The following ADGRD1 variants were observed in gnomAD, a reference collection of about 807,000 sequenced individuals.
ADGRD1 encodes the protein adhesion G protein-coupled receptor D1.
Under a neutral mutation model 113.4 loss-of-function variants are expected in ADGRD1, and 77 were observed. The ratio of observed to expected loss-of-function variants is 0.68; its 90% confidence interval spans 0.57 to 0.82. The LOEUF (loss-of-function observed/expected upper bound fraction) is 0.82, where lower values mean the gene tolerates loss of function less well. Ranked by LOEUF, ADGRD1 falls within the 40% of genes least tolerant of loss-of-function variation. The pLI is 0.00. For synonymous variants in ADGRD1, 474 were observed against 475.0 expected, an observed-to-expected ratio of 1.00 and a Z score of 0.03; for missense variants, 1,036 against 1,139.1, an observed-to-expected ratio of 0.91 and a Z score of 1.30.
intron 2 of ADGRD1, chr12:130,962,359 T>A (rs1870462324): frequency 6.6e-6 from 1 of 152,228 alleles, no homozygotes; most frequent in Admixed American, 6.5e-5. Flanking sequence ...CTGCCAGGAC[T>A]GATTGTGGCC....
intron 13 of ADGRD1, among the ~76,000 whole-genome samples, chr12:131,061,402 C>T (rs944802525): frequency 7.9e-5 from 12 of 152,328 alleles, no homozygotes; most frequent in Middle Eastern, 3.4e-3. Context: ...CAAAATGAGA[C>T]GTAAATATTC....
chr12:131,108,699 CT>C, intron 17 of ADGRD1, 24 bp from the exon 18 acceptor site: 11 of 1,614,092 alleles, frequency 6.8e-6, no homozygotes, highest in Non-Finnish European at 9.3e-6. Context: ...AGCTGTCTCA[CT>C]TCCCATCTCT....
chr12:131,048,693 G>C (rs1383217215), intron 13 of ADGRD1, among the ~76,000 whole-genome samples: 4 of 152,228 alleles, frequency 2.6e-5, no homozygotes, highest in African/African-American at 9.6e-5. Context: ...AAATACTCTT[G>C]TGTTCTGAGA....
intron 13 of ADGRD1, among the ~76,000 whole-genome samples, chr12:131,053,685 A>G (rs1336745677): frequency 2.0e-5 from 3 of 152,236 alleles, no homozygotes; most frequent in African/African-American, 7.2e-5. Context: ...CCAAAGTGGG[A>G]GGGCGGTAGT....
chr12:131,132,878 C>T (rs1174385284), intron 21 of ADGRD1, among the ~76,000 whole-genome samples: 1 of 152,234 alleles, frequency 6.6e-6, no homozygotes, highest in East Asian at 1.9e-4. Flanking sequence ...TGTACTGTTA[C>T]TTCAGCCACC....
chr12:131,018,332 A>T (rs534647544), intron 13 of ADGRD1, among the ~76,000 whole-genome samples: 2 of 152,230 alleles, frequency 1.3e-5, no homozygotes, highest in South Asian at 4.1e-4. Flanking sequence ...TCACGCCGGG[A>T]TGAGGGGCAT....
chr12:131,126,678 C>A (rs994058967), intron 20 of ADGRD1, among the ~76,000 whole-genome samples: 3 of 152,174 alleles, frequency 2.0e-5, no homozygotes, highest in African/African-American at 4.8e-5. Flanking sequence ...TTCATAGTAG[C>A]CACGAGACCT....
intron 6 of ADGRD1, 131 bp downstream of exon 6, chr12:130,987,480 C>A: frequency 2.1e-6 from 2 of 931,208 alleles, no homozygotes; most frequent in South Asian, 1.7e-5. Flanking sequence ...CCTAATGAAC[C>A]TTATAAACAC....
chr12:131,100,776 C>A (rs1250785426), intron 15 of ADGRD1, among the ~76,000 whole-genome samples: 2 of 152,226 alleles, frequency 1.3e-5, no homozygotes, highest in South Asian at 2.1e-4. Flanking sequence ...AGAGAGTTGG[C>A]TGACCAACTG....
At chr12:131,138,276 C>T in intron 24 of ADGRD1, 47 bp downstream of exon 24, 2 of 1,541,022 alleles carry the variant, frequency 1.3e-6, no homozygotes. Flanking sequence ...ATCCTCCTTC[C>T]CCAGGCTCGG....
intron 14 of ADGRD1, among the ~76,000 whole-genome samples, chr12:131,082,196 C>T (rs896882153): frequency 2.6e-5 from 4 of 152,152 alleles, no homozygotes; most frequent in Non-Finnish European, 5.9e-5. Flanking sequence ...TGTGTGGACA[C>T]ACATGTTTTT....
intron 15 of ADGRD1, among the ~76,000 whole-genome samples, chr12:131,089,704 T>C (rs1566100146): frequency 6.6e-6 from 1 of 152,216 alleles, no homozygotes; most frequent in Non-Finnish European, 1.5e-5. Context: ...CCCTGCCTCA[T>C]TGGGGCTTGC....
chr12:131,133,774 G>A (rs7958141), intron 21 of ADGRD1, among the ~76,000 whole-genome samples: 75 of 152,334 alleles, frequency 4.9e-4, no homozygotes, highest in African/African-American at 1.6e-3. Context: ...CCAGGGCTGA[G>A]GAAGCACAGC....
chr12:131,137,482 C>A (rs1196290978), intron 23 of ADGRD1, among the ~76,000 whole-genome samples: 1 of 152,210 alleles, frequency 6.6e-6, no homozygotes, highest in Non-Finnish European at 1.5e-5. Flanking sequence ...GTAGGGGCTG[C>A]CCCAAGGACT....
chr12:131,072,461 C>G (rs964290445), intron 13 of ADGRD1, among the ~76,000 whole-genome samples: 1 of 152,240 alleles, frequency 6.6e-6, no homozygotes. Context: ...CTGCACAAGT[C>G]TACCCCTCTG....
chr12:130,972,740 C>CT (rs1021309095), intron 4 of ADGRD1, among the ~76,000 whole-genome samples: 1 of 152,060 alleles, frequency 6.6e-6, no homozygotes, highest in African/African-American at 2.4e-5. Context: ...TCTGTGGTGG[C>CT]TTTTTCTGGG....
At chr12:131,114,037 A>G (rs1950406444) in intron 18 of ADGRD1, among the ~76,000 whole-genome samples, 1 of 152,206 alleles carries the variant, frequency 6.6e-6, no homozygotes, top group Non-Finnish European at 1.5e-5. Context: ...AGCCACAGAA[A>G]AGACAGCTGG....
intron 5 of ADGRD1, chr12:130,986,717 C>G (rs1873734448): frequency 9.1e-6 from 2 of 220,840 alleles, no homozygotes; most frequent in Admixed American, 1.0e-4. Flanking sequence ...AGGGGACATC[C>G]TTGTCTCGCT....
At chr12:131,048,243 C>T (rs992756364) in intron 13 of ADGRD1, among the ~76,000 whole-genome samples, 3 of 152,250 alleles carry the variant, frequency 2.0e-5, no homozygotes, top group Admixed American at 2.0e-4. Flanking sequence ...GCTTCTGACA[C>T]TGTGAATCCA....
Sources: allele counts gnomAD v4.1 joint callset (sites outside exome capture counted in the v4.1 genomes callset), GRCh38; gene constraint gnomAD v4.1.1; transcripts MANE v1.5; gene names NCBI Gene and HGNC (gene_info 2026-07-23, HGNC 2026-07-21).